TLE1: variants seen among roughly 807,000 people sequenced by gnomAD.
TLE1 encodes the protein transducin-like enhancer protein 1.
Under a neutral mutation model 89.8 loss-of-function variants are expected in TLE1, and 21 were observed. That is an observed-to-expected ratio of 0.23 (90% CI 0.17 to 0.34). TLE1 has a LOEUF of 0.34. TLE1 is among the 10% of genes least tolerant of loss of function. TLE1 has a pLI of 1.00. For missense variants in TLE1, 795 were observed against 1,031.2 expected (o/e 0.77, Z 3.14); for synonymous variants, 447 against 407.6 (o/e 1.10, Z -1.16).
intron 8 of TLE1, among the ~76,000 whole-genome samples, chr9:81,623,120 T>C (rs1311730952): frequency 6.6e-6 from 1 of 152,172 alleles, no homozygotes; most frequent in Non-Finnish European, 1.5e-5. Context: ...AACTACTGCC[T>C]GGGGGACCCT....
chr9:81,643,564 C>A (rs1244701210), intron 6 of TLE1, among the ~76,000 whole-genome samples: 2 of 151,894 alleles, frequency 1.3e-5, no homozygotes, highest in African/African-American at 4.8e-5. Flanking sequence ...GAGACAGGGT[C>A]TCATTTGGTC....
At chr9:81,630,770 T>C (rs1387554395) in intron 8 of TLE1, among the ~76,000 whole-genome samples, 3 of 152,242 alleles carry the variant, frequency 2.0e-5, no homozygotes, top group Non-Finnish European at 4.4e-5. Context: ...ATAAGTACTA[T>C]AATATTTTAG....
chr9:81,673,230 G>A (rs1034067830), intron 4 of TLE1, among the ~76,000 whole-genome samples: 3 of 135,382 alleles, frequency 2.2e-5, no homozygotes, highest in South Asian at 2.3e-4. Context: ...CCAAGATTGC[G>A]CCATTGCACT....
At chr9:81,608,407 A>C (rs2132023318) in intron 14 of TLE1, among the ~76,000 whole-genome samples, 1 of 152,060 alleles carries the variant, frequency 6.6e-6, no homozygotes, top group Non-Finnish European at 1.5e-5. Context: ...TTAGCTACTC[A>C]GGAAGCCAAG....
chr9:81,600,174 A>G (rs922181603), intron 14 of TLE1: 3 of 704,984 alleles, frequency 4.3e-6, no homozygotes, highest in African/African-American at 3.5e-5. Context: ...AAACAAAAAG[A>G]GGCTTAATAT....
intron 4 of TLE1, among the ~76,000 whole-genome samples, chr9:81,670,052 G>A (rs1237672330): frequency 6.6e-6 from 1 of 152,124 alleles, no homozygotes; most frequent in Non-Finnish European, 1.5e-5. Flanking sequence ...GTGTCTCCAT[G>A]ACAACGTTGG....
chr9:81,641,970 G>A (rs1357921590), intron 6 of TLE1, among the ~76,000 whole-genome samples: 7 of 152,012 alleles, frequency 4.6e-5, no homozygotes, highest in South Asian at 2.1e-4. Context: ...TGCAGTAAGC[G>A]GAGATCGCGC....
intron 14 of TLE1, among the ~76,000 whole-genome samples, chr9:81,599,432 C>G (rs577576969): frequency 6.6e-5 from 10 of 152,188 alleles, no homozygotes; most frequent in Admixed American, 4.6e-4. Flanking sequence ...TAAGGCATGT[C>G]GACATCGTGA....
chr9:81,591,212 T>C (rs1268491321), intron 15 of TLE1, among the ~76,000 whole-genome samples, 160 bp from the exon 16 acceptor site: 1 of 152,238 alleles, frequency 6.6e-6, no homozygotes, highest in Non-Finnish European at 1.5e-5. Context: ...CAAGTACAAC[T>C]GTCTCCTTCA....
chr9:81,635,695 T>G (rs941544549), intron 6 of TLE1, among the ~76,000 whole-genome samples: 1 of 152,196 alleles, frequency 6.6e-6, no homozygotes, highest in African/African-American at 2.4e-5. Flanking sequence ...CTGAACATAT[T>G]AAATCTTCAT....
intron 4 of TLE1, among the ~76,000 whole-genome samples, chr9:81,669,338 T>C (rs893454249): frequency 2.0e-5 from 3 of 152,218 alleles, no homozygotes; most frequent in African/African-American, 4.8e-5. Context: ...CCCTCCCTCC[T>C]TCTGGGCCAC....
intron 4 of TLE1, among the ~76,000 whole-genome samples, chr9:81,664,342 ACT>A (rs1166703201): frequency 2.0e-5 from 3 of 151,868 alleles, no homozygotes; most frequent in African/African-American, 4.8e-5. Context: ...ATCTTCCAAT[ACT>A]CTCTTTCCCT....
chr9:81,677,836 T>G (rs529830730), intron 4 of TLE1, among the ~76,000 whole-genome samples: 1 of 152,202 alleles, frequency 6.6e-6, no homozygotes, highest in Non-Finnish European at 1.5e-5. Flanking sequence ...ACACTGGGAA[T>G]AGATTTCAGG....
chr9:81,685,756 C>T, intron 3 of TLE1, 36 bp from the exon 4 acceptor site: 2 of 1,612,270 alleles, frequency 1.2e-6, no homozygotes, highest in Non-Finnish European at 8.5e-7. Context: ...ATTTCATTAA[C>T]TCATGTTTTT....
chr9:81,633,320 T>C, intron 8 of TLE1, 28 bp downstream of exon 8: 1 of 1,522,426 alleles, frequency 6.6e-7, no homozygotes, highest in Non-Finnish European at 8.8e-7. Flanking sequence ...TGTGTGTGTG[T>C]GTGTGCAGCA....
intron 4 of TLE1, among the ~76,000 whole-genome samples, chr9:81,681,002 C>A (rs1282019121): frequency 6.6e-6 from 1 of 151,756 alleles, no homozygotes; most frequent in African/African-American, 2.4e-5. Flanking sequence ...AAGGAAATAT[C>A]CCACAGGTGA....
At chr9:81,670,151 T>C (rs1832030858) in intron 4 of TLE1, among the ~76,000 whole-genome samples, 1 of 152,188 alleles carries the variant, frequency 6.6e-6, no homozygotes, top group South Asian at 2.1e-4. Context: ...TAACAGCCAA[T>C]CAAATTTACA....
At chr9:81,679,020 C>T (rs979742782) in intron 4 of TLE1, among the ~76,000 whole-genome samples, 22 of 152,022 alleles carry the variant, frequency 1.4e-4, no homozygotes, top group African/African-American at 4.4e-4. Context: ...TGGTGATGCA[C>T]GCCTGTAATC....
chr9:81,629,788 A>G (rs1303389870), intron 8 of TLE1, among the ~76,000 whole-genome samples: 1 of 152,214 alleles, frequency 6.6e-6, no homozygotes, highest in Non-Finnish European at 1.5e-5. Flanking sequence ...ACACCTAAAC[A>G]TAGAAAAGGT....
Sources: gnomAD v4.1 joint callset for allele counts (sites outside exome capture counted in the v4.1 genomes callset) on GRCh38, gnomAD v4.1.1 for gene constraint, MANE v1.5 for transcripts, NCBI Gene and HGNC (gene_info 2026-07-23, HGNC 2026-07-21) for gene names.